ACTR5: variants seen among roughly 807,000 people sequenced by gnomAD.
ACTR5 encodes actin related protein 5.
In ACTR5, 43 loss-of-function variants were observed where a neutral mutation model predicts 61.2. The ratio of observed to expected loss-of-function variants is 0.70; its 90% CI spans 0.55 to 0.91. The LOEUF (loss-of-function observed/expected upper bound fraction) is 0.91, where lower values mean the gene tolerates loss of function less well. ACTR5 is among the 40% of genes least tolerant of loss of function. The pLI, the probability that ACTR5 is intolerant of heterozygous loss-of-function variation, is 0.00. For synonymous variants in ACTR5, 333 were observed against 310.5 expected (o/e 1.07, Z -0.76); for missense variants, 798 against 782.2 (o/e 1.02, Z -0.24).
In ACTR5 at chr20:38,748,625, C is replaced by A; in HGVS notation, c.147C>A (p.Pro49=). The A allele has an allele frequency of 2.6e-6, 4 of 1,521,778 alleles. No individual in the cohort carries two copies. Among genetic ancestry groups the A allele is most frequent in the Non-Finnish European group, 2.6e-6 (3 of 1,136,856 alleles). 94.3% of individuals were successfully genotyped at this position (1,521,778 alleles called of 1,614,324 possible). Residue 49 remains proline (P), a synonymous_variant, in exon 1 of 9, where the codon CCC becomes CCA. Coordinates refer to ENST00000243903, the MANE Select transcript of ACTR5 (RefSeq NM_024855.4). ...SFQVRAGWAC[P]GQDPGPEPRL... ...AAGTCCGCGCTGGCTGGGCGTGTCC[C>A]GGGCAGGACCCAGGTCCCGAGCCGC...
chr20:38,754,219 C>T (rs2084404158), intron 3 of ACTR5, among the ~76,000 whole-genome samples: 1 of 152,166 alleles, frequency 6.6e-6, no homozygotes, highest in Admixed American at 6.5e-5. Flanking sequence ...TTCTGTTGCT[C>T]TTCCTTCATT....
rs1400318386 is a variant in ACTR5 at position 38,755,563 on chromosome 20, A to G, written c.994-294A>G. ...GAAGGCTCCTTTCATGTCTCCTCTTAGTAACTTTCCCACCTTCCTTCACAT... is the reference window on the plus strand; with the variant it reads ...GAAGGCTCCTTTCATGTCTCCTCTTGGTAACTTTCCCACCTTCCTTCACAT... On this transcript the variant is annotated intron_variant, in intron 4 of 8. Coordinates refer to ENST00000243903, the MANE Select transcript of ACTR5 (RefSeq NM_024855.4). Among the ~76,000 whole-genome samples, 4 of 151,832 alleles carry G rather than the reference A, an allele frequency of 2.6e-5. No homozygotes were observed. In the East Asian group the frequency reaches 7.7e-4, roughly 29 times the overall value.
At chr20:38,768,244 A>G (rs1277459706) in intron 8 of ACTR5, among the ~76,000 whole-genome samples, 5 of 152,112 alleles carry the variant, frequency 3.3e-5, no homozygotes, top group Admixed American at 3.3e-4. Flanking sequence ...GCTGGGATTC[A>G]GTGTACTGGT....
At chr20:38,751,250 G>A (rs955721606) in intron 2 of ACTR5, among the ~76,000 whole-genome samples, 35 of 152,098 alleles carry the variant, frequency 2.3e-4, no homozygotes, top group African/African-American at 8.2e-4. Flanking sequence ...ATTTCCCAGG[G>A]TTACCCTGAG....
At chr20:38,770,518 A>G (rs1036195970) in intron 8 of ACTR5, among the ~76,000 whole-genome samples, 32 of 152,232 alleles carry the variant, frequency 2.1e-4, no homozygotes, top group African/African-American at 6.0e-4. Flanking sequence ...TCAAATTATT[A>G]TGACAATTTT....
intron 4 of ACTR5, 50 bp downstream of exon 4, chr20:38,755,224 T>C (rs1281898255): frequency 2.7e-6 from 4 of 1,485,010 alleles, no homozygotes; most frequent in Non-Finnish European, 2.7e-6. Flanking sequence ...CAAGATAGTC[T>C]CAGAAGATTT....
chr20:38,755,165 A>G lies in ACTR5; in HGVS notation c.984A>G (p.Leu328=), dbSNP rs769121543. 1.7e-5 allele frequency: 28 copies of G among 1,609,846 alleles called. No individual in the cohort carries two copies. The highest frequency in any genetic ancestry group is 1.5e-4 in the South Asian group (14 of 90,534). The part of the protein sequence containing the change: ...QLDQERLDRL[L]YVQELLEDGQ... ...ATCAGGAGCGTCTGGACCGACTGCT[A>G]TATGTGCAGGTAATAGCAGACACAG... Residue 328 remains leucine (L), a synonymous_variant, in exon 4 of 9, where the codon CTA becomes CTG. Transcript: ENST00000243903.
Position 38,772,069 on chromosome 20 carries a change from G to A in ACTR5, c.*253G>A. On this transcript the variant is annotated 3_prime_UTR_variant, in exon 9 of 9. Coordinates refer to ENST00000243903, the MANE Select transcript of ACTR5 (RefSeq NM_024855.4). ...CTTTGTTCAACTGTGGCCAGCTGTG[G>A]CATCAGCTTCCTGGAGCAGTAAATG... The A allele has an allele frequency of 3.9e-6, 2 of 517,792 alleles. No individual in the cohort carries two copies. Among genetic ancestry groups the A allele is most frequent in the South Asian group, 5.5e-5 (2 of 36,398 alleles). 32.1% of individuals were successfully genotyped at this position (517,792 alleles called of 1,614,324 possible). A position where few individuals can be genotyped will look rare whatever the true frequency, so the allele number is the denominator to read the frequency against.
chr20:38,771,759 C>G lies in ACTR5; in HGVS notation c.1767C>G (p.Ala589=). Reference sequence around the variant, plus strand: ...AGCAGGCCTCCCGCTCCTCAGATGCCCAGGCATCCAGCAAGGGCTCCGCTG... The same window carrying G: ...AGCAGGCCTCCCGCTCCTCAGATGCGCAGGCATCCAGCAAGGGCTCCGCTG... ...LPKQASRSSD[A]QASSKGSAAG... Residue 589 remains alanine, a synonymous_variant, in exon 9 of 9, where the codon GCC becomes GCG. Coordinates refer to ENST00000243903, the MANE Select transcript of ACTR5 (RefSeq NM_024855.4). The G allele has an allele frequency of 6.2e-7, 1 of 1,614,044 alleles. No individual in the cohort carries two copies. The highest frequency in any genetic ancestry group is 2.2e-5 in the East Asian group (1 of 44,882).
At chr20:38,765,601 T>A in intron 6 of ACTR5, 83 bp downstream of exon 6, 1 of 1,119,944 alleles carries the variant, frequency 8.9e-7, no homozygotes, top group Non-Finnish European at 1.3e-6. Flanking sequence ...CTTTAGGACT[T>A]AAAACTGTTA....
chr20:38,748,991 T>C, intron 1 of ACTR5, 138 bp downstream of exon 1: 2 of 1,077,342 alleles, frequency 1.9e-6, no homozygotes, highest in Non-Finnish European at 2.6e-6. Flanking sequence ...TGCTAGGCGC[T>C]GTGGGTGTAG....
In ACTR5 at chr20:38,767,641, C is replaced by T. The variant is rs369269280; in HGVS notation, c.1566+45C>T. On this transcript the variant is annotated intron_variant, in intron 8 of 8. Transcript: ENST00000243903. ...TCAATTATTTTGAAAATAGCATTAC[C>T]TGTTTTCTGATTGCAAAAGTAATAA... The T allele has an allele frequency of 2.7e-5, 42 of 1,555,292 alleles. No homozygotes were observed. In the African/African-American group the frequency reaches 4.6e-4, roughly 17 times the overall value.
chr20:38,756,184 A>G (rs1436000780), intron 5 of ACTR5, 145 bp downstream of exon 5: 7 of 947,744 alleles, frequency 7.4e-6, no homozygotes, highest in Admixed American at 3.1e-5. Flanking sequence ...CTGACCTTGT[A>G]CCAACTGAAA....
chr20:38,771,679 G>A lies in ACTR5; in HGVS notation c.1687G>A (p.Glu563Lys). Reference sequence around the variant, plus strand: ...GAAAGAGTATGAAGAAAAGGGAGGAGAGTACCTCAAGGAGCACTGTGCTTC... The same window carrying A: ...GAAAGAGTATGAAGAAAAGGGAGGAAAGTACCTCAAGGAGCACTGTGCTTC... ...TRKEYEEKGGEYLKEHCASNI... is the reference protein window; with the variant it reads ...TRKEYEEKGGKYLKEHCASNI... The change falls in exon 9 of 9, where the codon GAG becomes AAG. Residue 563 changes from glutamate (E) to lysine (K), a missense_variant. Coordinates refer to ENST00000243903, the MANE Select transcript of ACTR5 (RefSeq NM_024855.4). 6.2e-7 allele frequency: 1 copy of A among 1,614,178 alleles called. No individual in the cohort carries two copies. Among genetic ancestry groups the A allele is most frequent in the Non-Finnish European group, 8.5e-7 (1 of 1,180,034 alleles).
chr20:38,771,900 T>A lies in ACTR5; in HGVS notation c.*84T>A. 6.7e-7 allele frequency: 1 copy of A among 1,495,298 alleles called. No homozygotes were observed. The highest frequency in any genetic ancestry group is 2.4e-5 in the East Asian group (1 of 40,874). The allele number at this position is 1,495,298 out of a possible 1,614,324, so 92.6% of individuals were successfully genotyped here. On this transcript the variant is annotated 3_prime_UTR_variant, in exon 9 of 9. Coordinates refer to ENST00000243903, the MANE Select transcript of ACTR5 (RefSeq NM_024855.4). Reference sequence around the variant, plus strand: ...GACAGGACTGTGATTGTGCTAGATGTACCTGCCCAAGTCTGCTGGTCACAT... The same window carrying A: ...GACAGGACTGTGATTGTGCTAGATGAACCTGCCCAAGTCTGCTGGTCACAT...
chr20:38,754,583 G>T (rs2084406861), intron 3 of ACTR5, among the ~76,000 whole-genome samples: 1 of 152,018 alleles, frequency 6.6e-6, no homozygotes, highest in African/African-American at 2.4e-5. Context: ...GCCGGGCATG[G>T]TGGCAGGCGT....
At chr20:38,753,072 A>G (rs577693069) in intron 3 of ACTR5, among the ~76,000 whole-genome samples, 2 of 152,208 alleles carry the variant, frequency 1.3e-5, no homozygotes, top group Non-Finnish European at 2.9e-5. Context: ...AAGTTGCGGG[A>G]GACAGATAGG....
chr20:38,762,102 G>A (rs1349666909), intron 5 of ACTR5, among the ~76,000 whole-genome samples: 1 of 152,208 alleles, frequency 6.6e-6, no homozygotes, highest in East Asian at 1.9e-4. Flanking sequence ...AGGGATCTCT[G>A]CTTCAAGTTG....
rs1263562349 is a variant in ACTR5 at position 38,756,112 on chromosome 20, G to T, written c.1176+73G>T. The T allele has an allele frequency of 4.8e-6, 7 of 1,463,852 alleles. No homozygotes were observed. In the Admixed American group the frequency reaches 1.8e-4, roughly 37 times the overall value. The allele number at this position is 1,463,852 out of a possible 1,614,324, so 90.7% of individuals were successfully genotyped here. On this transcript the variant is annotated intron_variant, in intron 5 of 8. Transcript: ENST00000243903. ...TCCTGAGAGGCCTGACATCAAAGGG[G>T]TTGTGCCCAGAGTCAGGAGGGAAAG...
Sources: gnomAD v4.1 joint callset for allele counts (sites outside exome capture counted in the v4.1 genomes callset) on GRCh38, gnomAD v4.1.1 for gene constraint, MANE v1.5 for transcripts, NCBI Gene and HGNC (gene_info 2026-07-23, HGNC 2026-07-21) for gene names.